Variants in DPF3 observed in about 807,000 individuals in gnomAD.
DPF3 encodes zinc finger protein DPF3.
A neutral mutation model predicts 56.8 loss-of-function variants in DPF3; 18 were observed. That is an observed-to-expected ratio of 0.32 (90% CI 0.22 to 0.47). DPF3 has a LOEUF of 0.47. DPF3 is among the 20% of genes least tolerant of loss of function. The pLI, the probability that DPF3 is intolerant of heterozygous loss-of-function variation, is 1.00. For synonymous variants in DPF3, 188 were observed against 180.2 expected, an observed-to-expected ratio of 1.04 and a Z score of -0.35; for missense variants, 403 against 488.8, an observed-to-expected ratio of 0.82 and a Z score of 1.65.
intron 1 of DPF3, among the ~76,000 whole-genome samples, chr14:72,849,197 G>A (rs1599493968): frequency 6.6e-6 from 1 of 152,114 alleles, no homozygotes; most frequent in South Asian, 2.1e-4. Context: ...CCCCACTATG[G>A]TTATAAGTTT....
At chr14:72,798,274 A>C (rs1264031001) in intron 1 of DPF3, among the ~76,000 whole-genome samples, 21 of 150,758 alleles carry the variant, frequency 1.4e-4, no homozygotes, top group Admixed American at 1.2e-3. Context: ...AAAAAAAAAA[A>C]AAAAAAAAAG....
intron 2 of DPF3, among the ~76,000 whole-genome samples, chr14:72,763,338 C>T (rs572135314): frequency 2.0e-5 from 3 of 152,092 alleles, no homozygotes; most frequent in South Asian, 2.1e-4. Flanking sequence ...GCTAACACCA[C>T]CTGATTTCAA....
intron 1 of DPF3, among the ~76,000 whole-genome samples, chr14:72,840,609 TAC>T (rs1195285680): frequency 6.6e-6 from 1 of 152,234 alleles, no homozygotes; most frequent in Non-Finnish European, 1.5e-5. Flanking sequence ...TTATACATCA[TAC>T]ACAGTCTCTC....
At chr14:72,713,799 C>T (rs1404553184) in intron 6 of DPF3, among the ~76,000 whole-genome samples, 1 of 152,214 alleles carries the variant, frequency 6.6e-6, no homozygotes, top group Non-Finnish European at 1.5e-5. Context: ...CGACTCCCCT[C>T]CCGTGGGCTC....
At chr14:72,764,241 G>A (rs1424927638) in intron 2 of DPF3, among the ~76,000 whole-genome samples, 1 of 152,126 alleles carries the variant, frequency 6.6e-6, no homozygotes, top group Non-Finnish European at 1.5e-5. Flanking sequence ...AATGGCCAAT[G>A]ATTTAATCAA....
intron 7 of DPF3, among the ~76,000 whole-genome samples, chr14:72,681,131 A>G (rs1887149755): frequency 6.6e-6 from 1 of 152,224 alleles, no homozygotes; most frequent in African/African-American, 2.4e-5. Context: ...CTGACAATCA[A>G]TGCTGAGTGA....
chr14:72,723,407 C>T (rs1444668935), intron 5 of DPF3, among the ~76,000 whole-genome samples: 1 of 152,158 alleles, frequency 6.6e-6, no homozygotes, highest in African/African-American at 2.4e-5. Flanking sequence ...CCAGACCTCA[C>T]CACCCACTCA....
intron 8 of DPF3, chr14:72,662,039 G>A (rs1337401972): frequency 1.0e-6 from 1 of 984,956 alleles, no homozygotes; most frequent in East Asian, 1.1e-4. Context: ...TGCCTGGGGT[G>A]AGGGGGCAAT....
At chr14:72,845,499 C>T (rs1008342213) in intron 1 of DPF3, among the ~76,000 whole-genome samples, 1 of 152,220 alleles carries the variant, frequency 6.6e-6, no homozygotes, top group African/African-American at 2.4e-5. Context: ...GGCCTCTCCA[C>T]AGGCACAGGT....
chr14:72,757,947 G>C (rs529298197), intron 2 of DPF3, among the ~76,000 whole-genome samples: 1 of 151,214 alleles, frequency 6.6e-6, no homozygotes, highest in African/African-American at 2.4e-5. Context: ...TTTTTTATGG[G>C]GGTATAAGCC....
intron 6 of DPF3, among the ~76,000 whole-genome samples, chr14:72,703,152 A>T (rs538506989): frequency 6.6e-6 from 1 of 152,148 alleles, no homozygotes; most frequent in Non-Finnish European, 1.5e-5. Flanking sequence ...GAGGCTGGCT[A>T]CATCCACCTC....
At chr14:72,892,221 G>A in intron 1 of DPF3, 1 of 1,535,458 alleles carries the variant, frequency 6.5e-7, no homozygotes, top group Non-Finnish European at 8.7e-7. Flanking sequence ...GATTTCGGCT[G>A]GAAATGGGGA....
intron 1 of DPF3, among the ~76,000 whole-genome samples, chr14:72,827,899 C>T (rs544155398): frequency 2.6e-5 from 4 of 152,072 alleles, no homozygotes; most frequent in Admixed American, 6.6e-5. Flanking sequence ...CTGTAGTAAG[C>T]CAAGGTCACA....
intron 4 of DPF3, among the ~76,000 whole-genome samples, chr14:72,728,810 C>T (rs1381205864): frequency 6.6e-6 from 1 of 151,984 alleles, no homozygotes; most frequent in Non-Finnish European, 1.5e-5. Flanking sequence ...TAAACAATAA[C>T]ATAATAAGTA....
intron 1 of DPF3, among the ~76,000 whole-genome samples, chr14:72,830,507 C>G (rs1258373330): frequency 1.3e-5 from 2 of 152,180 alleles, no homozygotes; most frequent in African/African-American, 4.8e-5. Flanking sequence ...CTCCTCATTC[C>G]CTGACCTTGA....
chr14:72,822,933 ATGAC>A (rs1365553464), intron 1 of DPF3, among the ~76,000 whole-genome samples: 1 of 152,224 alleles, frequency 6.6e-6, no homozygotes, highest in Non-Finnish European at 1.5e-5. Flanking sequence ...GAGCATCAAC[ATGAC>A]TCATGAAGAT....
intron 3 of DPF3, among the ~76,000 whole-genome samples, chr14:72,744,105 C>T (rs1281154066): frequency 6.6e-6 from 1 of 152,216 alleles, no homozygotes; most frequent in African/African-American, 2.4e-5. Context: ...AGATCTCAGG[C>T]CCTTCCTATC....
At chr14:72,816,255 T>C (rs1883279978) in intron 1 of DPF3, among the ~76,000 whole-genome samples, 1 of 152,202 alleles carries the variant, frequency 6.6e-6, no homozygotes, top group African/African-American at 2.4e-5. Context: ...CTCCCCACCC[T>C]GGGACCAACA....
intron 7 of DPF3, among the ~76,000 whole-genome samples, chr14:72,682,362 G>A (rs189127060): frequency 2.6e-5 from 4 of 152,228 alleles, no homozygotes; most frequent in Non-Finnish European, 5.9e-5. Flanking sequence ...GTGGCAACTT[G>A]TGATTGCTAC....
Sources: allele counts gnomAD v4.1 joint callset (sites outside exome capture counted in the v4.1 genomes callset), GRCh38; gene constraint gnomAD v4.1.1; transcripts MANE v1.5; gene names NCBI Gene and HGNC (gene_info 2026-07-23, HGNC 2026-07-21).